C14orf119: variants seen among roughly 807,000 people sequenced by gnomAD.
The protein encoded by C14orf119 is chromosome 14 open reading frame 119.
Under a neutral mutation model 13.5 loss-of-function variants are expected in C14orf119, and 17 were observed. The observed-to-expected ratio is 1.26, with a 90% CI of 0.86 to 1.88. The LOEUF (loss-of-function observed/expected upper bound fraction) is 1.88, where lower values mean the gene tolerates loss of function less well. Among genes scored for constraint, C14orf119 ranks in the 40% most tolerant of loss-of-function variants. The probability of loss-of-function intolerance (pLI) is 0.00; values close to 1 mark genes in which losing one functional copy is unlikely to be tolerated. For missense variants in C14orf119, 162 were observed against 165.9 expected (o/e 0.98, Z 0.13); for synonymous variants, 61 against 61.9 (o/e 0.99, Z 0.07).
rs527779183 is a variant in C14orf119, at chr14:23,095,967, G to C, written c.-2+348G>C. Among the ~76,000 whole-genome samples the C allele has an allele frequency of 5.3e-5, 8 of 152,340 alleles. No homozygotes were observed. In the South Asian group the frequency reaches 1.7e-3, roughly 32 times the overall value. On this transcript the variant is annotated intron_variant, in intron 1 of 1. Coordinates refer to ENST00000319074, the MANE Select transcript of C14orf119 (RefSeq NM_017924.4). ...CAGAAGAGAGTAAGTTCCCTTGGAG[G>C]AACTGCTTCCTGTAGGGCAAGAACT...
chr14:23,096,229 G>A (rs1440050768), intron 1 of C14orf119, among the ~76,000 whole-genome samples: 1 of 152,190 alleles, frequency 6.6e-6, no homozygotes, highest in African/African-American at 2.4e-5. Context: ...AAAATCAGTG[G>A]CAAGGTGCCG....
chr14:23,097,901 T>C lies in C14orf119; in HGVS notation c.243T>C (p.Ser81=), dbSNP rs1299529065. The C allele has an allele frequency of 1.2e-6, 2 of 1,614,136 alleles. No homozygotes were observed. Among genetic ancestry groups the C allele is most frequent in the Admixed American group, 1.7e-5 (1 of 60,024 alleles). ...TGCTGGATAGTCTGGAGCAGCTTAG[T>C]GTGTCTGGGGCAGACCGACCACCTT... is the stretch of plus-strand genomic sequence containing the variant. ...QPLLDSLEQL[S]VSGADRPPSI... is the part of the protein sequence containing the mutation. The change falls in exon 2 of 2, where the codon AGT becomes AGC. Residue 81 remains serine (S), a synonymous_variant. Coordinates refer to ENST00000319074, the MANE Select transcript of C14orf119 (RefSeq NM_017924.4).
In C14orf119 at chr14:23,098,352, G is replaced by T. The variant is rs1594800945; in HGVS notation, c.*271G>T. 4.8e-6 allele frequency: 2 copies of T among 413,072 alleles called. No homozygotes were observed. Among genetic ancestry groups the T allele is most frequent in the East Asian group, 9.0e-5 (2 of 22,124 alleles). The allele number at this position is 413,072 out of a possible 1,614,324, so 25.6% of individuals were successfully genotyped here. On this transcript the variant is annotated 3_prime_UTR_variant, in exon 2 of 2. Coordinates refer to ENST00000319074, the MANE Select transcript of C14orf119 (RefSeq NM_017924.4). The stretch of plus-strand genomic sequence containing the variant: ...ATGTCAAGTCCTCAAGAATTTGATG[G>T]CTTCTTCTGCAGCTATAACCACAAG...
At position 23,097,955 on chromosome 14, in the gene C14orf119, G is replaced by A. The variant is rs1313216407; in HGVS notation, c.297G>A (p.Trp99Ter). 1.2e-6 allele frequency: 2 copies of A among 1,614,022 alleles called. No individual in the cohort carries two copies. The highest frequency in any genetic ancestry group is 1.3e-5 in the African/African-American group (1 of 74,906). The change falls in exon 2 of 2, where the codon TGG (tryptophan) becomes TGA (stop). Residue 99 changes from tryptophan (W) to a stop codon, truncating the protein, a stop_gained. Transcript: ENST00000319074. LOFTEE classifies it high-confidence loss of function. The stretch of plus-strand genomic sequence containing the variant: ...TCTTTGAGTGCCAGCTACATCTTTG[G>A]GATCAGTGGTTTCGAGGCTGGGCTG... ...PSIFECQLHL[W>*]DQWFRGWAEQ...
In C14orf119 at chr14:23,099,518, T is replaced by C; in HGVS notation, c.*1437T>C. ...GGAACATAGAAGGTAATATTTGGCA[T>C]GGAATAATGCCTAGCCTTAGTAGAT... On this transcript the variant is annotated 3_prime_UTR_variant, in exon 2 of 2. Coordinates refer to ENST00000319074, the MANE Select transcript of C14orf119 (RefSeq NM_017924.4). 1 of 411,542 alleles carries C rather than the reference T, an allele frequency of 2.4e-6. No individual in the cohort carries two copies. The highest frequency in any genetic ancestry group is 4.4e-5 in the Admixed American group (1 of 22,562). The allele number at this position is 411,542 out of a possible 1,614,324, so 25.5% of individuals were successfully genotyped here.
At position 23,095,594 on chromosome 14, in the gene C14orf119, G is replaced by C; in HGVS notation, c.-27G>C. 2.6e-6 allele frequency: 1 copy of C among 378,786 alleles called. No individual in the cohort carries two copies. Among genetic ancestry groups the C allele is most frequent in the Non-Finnish European group, 4.9e-6 (1 of 205,818 alleles). 23.5% of individuals were successfully genotyped at this position (378,786 alleles called of 1,614,324 possible). ...AGTCTAAGGACTCGTGACAATCTTC[G>C]GGTGCCCTTCGAGAGAAAAGGGGAG... On this transcript the variant is annotated 5_prime_UTR_variant, in exon 1 of 2. Coordinates refer to ENST00000319074, the MANE Select transcript of C14orf119 (RefSeq NM_017924.4).
At chr14:23,096,538 C>T (rs2048377007) in intron 1 of C14orf119, among the ~76,000 whole-genome samples, 1 of 136,450 alleles carries the variant, frequency 7.3e-6, no homozygotes, top group South Asian at 2.3e-4. Context: ...AAAAAAATTG[C>T]AAGGCACCAA....
intron 1 of C14orf119, among the ~76,000 whole-genome samples, chr14:23,096,737 C>T (rs1462009907): frequency 6.6e-6 from 1 of 151,792 alleles, no homozygotes; most frequent in Non-Finnish European, 1.5e-5. Context: ...CCTCTACGCT[C>T]AACTAATTTT....
At chr14:23,097,492 G>T in intron 1 of C14orf119, 166 bp from the exon 2 acceptor site, 1 of 606,926 alleles carries the variant, frequency 1.6e-6, no homozygotes, top group East Asian at 2.7e-5. Context: ...TAAGGTAGTT[G>T]GATAATAATC....
At chr14:23,096,000 G>T (rs992556570) in intron 1 of C14orf119, among the ~76,000 whole-genome samples, 7 of 152,232 alleles carry the variant, frequency 4.6e-5, no homozygotes, top group African/African-American at 1.7e-4. Flanking sequence ...ACTGGAAAAT[G>T]CAAGCGCCCT....
chr14:23,099,754 A>G lies in C14orf119; in HGVS notation c.*1673A>G, dbSNP rs1358026586. 4.1e-5 allele frequency: 11 copies of G among 268,504 alleles called. No homozygotes were observed. In the East Asian group the frequency reaches 5.5e-4, roughly 13 times the overall value. The allele number at this position is 268,504 out of a possible 1,614,324, so 16.6% of individuals were successfully genotyped here. A position where few individuals can be genotyped will look rare whatever the true frequency, so the allele number is the denominator to read the frequency against. On this transcript the variant is annotated 3_prime_UTR_variant, in exon 2 of 2. Transcript: ENST00000319074. The stretch of plus-strand genomic sequence containing the variant: ...TAAGGGGCTTTACCCTTAAAGATAG[A>G]GCTCATGAAGCCCCGCCTCATCCAA...
At position 23,098,124 on chromosome 14, in the gene C14orf119, A is replaced by G. The variant is rs763084582; in HGVS notation, c.*43A>G. 1.9e-6 allele frequency: 3 copies of G among 1,574,234 alleles called. No individual in the cohort carries two copies. The highest frequency in any genetic ancestry group is 3.4e-5 in the Admixed American group (2 of 58,168). Reference sequence around the variant, plus strand: ...GAAGATAACCATAGCTGATGGAGCCATGACTCTCTACAATGATAACTCAAT... The same window carrying G: ...GAAGATAACCATAGCTGATGGAGCCGTGACTCTCTACAATGATAACTCAAT... On this transcript the variant is annotated 3_prime_UTR_variant, in exon 2 of 2. Coordinates refer to ENST00000319074, the MANE Select transcript of C14orf119 (RefSeq NM_017924.4).
rs1264416788 is a variant in C14orf119 at position 23,099,439 on chromosome 14, G to A, written c.*1358G>A. ...TAGCAGCATTAGGCAGAGTCCCATG[G>A]ACAGCCTTAGGTGGGTCATGGAGGG... is the stretch of plus-strand genomic sequence containing the variant. On this transcript the variant is annotated 3_prime_UTR_variant, in exon 2 of 2. Transcript: ENST00000319074. 2.4e-6 allele frequency: 1 copy of A among 413,344 alleles called. No individual in the cohort carries two copies. Among genetic ancestry groups the A allele is most frequent in the Non-Finnish European group, 4.4e-6 (1 of 226,166 alleles). The allele number at this position is 413,344 out of a possible 1,614,324, so 25.6% of individuals were successfully genotyped here.
rs2048410451 is a variant in C14orf119, at chr14:23,099,225, C to A, written c.*1144C>A. 2.4e-6 allele frequency: 1 copy of A among 413,074 alleles called. No individual in the cohort carries two copies. The highest frequency in any genetic ancestry group is 3.6e-5 in the East Asian group (1 of 28,092). The allele number at this position is 413,074 out of a possible 1,614,324, so 25.6% of individuals were successfully genotyped here. ...AAGTATACACAATAGATTTTCCATC[C>A]AGTTGTCTCACAAGAAATTATTCTC... On this transcript the variant is annotated 3_prime_UTR_variant, in exon 2 of 2. Coordinates refer to ENST00000319074, the MANE Select transcript of C14orf119 (RefSeq NM_017924.4).
At chr14:23,096,576 A>AAAAAAAT (rs1472408476) in intron 1 of C14orf119, among the ~76,000 whole-genome samples, 65 of 136,034 alleles carry the variant, frequency 4.8e-4, no homozygotes, top group African/African-American at 1.7e-3. Context: ...AAAAAAAAAA[A>AAAAAAAT]TTTTTTTTTT....
In C14orf119 at chr14:23,098,624, C is replaced by T. The variant is rs781210326; in HGVS notation, c.*543C>T. 13 of 170,426 alleles carry T rather than the reference C, an allele frequency of 7.6e-5. No individual in the cohort carries two copies. The highest frequency in any genetic ancestry group is 1.7e-4 in the Non-Finnish European group (12 of 70,246). The allele number at this position is 170,426 out of a possible 1,614,324, so 10.6% of individuals were successfully genotyped here. A position where few individuals can be genotyped will look rare whatever the true frequency, so the allele number is the denominator to read the frequency against. On this transcript the variant is annotated 3_prime_UTR_variant, in exon 2 of 2. Transcript: ENST00000319074. ...AGGAGAGGGAGATAATTAGTTGCTT[C>T]CTCCTTCACACTGTTTGAATCGAAC... is the stretch of plus-strand genomic sequence containing the variant.
Position 23,098,589 on chromosome 14 carries a change from A to G in C14orf119, c.*508A>G. ...TTCCCAGTGATGATTTAATAAAATT[A>G]TGAAAAATCAGGAGAGGGAGATAAT... On this transcript the variant is annotated 3_prime_UTR_variant, in exon 2 of 2. Coordinates refer to ENST00000319074, the MANE Select transcript of C14orf119 (RefSeq NM_017924.4). 1 of 171,228 alleles carries G rather than the reference A, an allele frequency of 5.8e-6. No homozygotes were observed. 10.6% of individuals were successfully genotyped at this position (171,228 alleles called of 1,614,324 possible).
chr14:23,096,130 TTTAGAGATTTAAGAGATACG>T (rs960068399), intron 1 of C14orf119, among the ~76,000 whole-genome samples: 3 of 152,174 alleles, frequency 2.0e-5, no homozygotes, highest in South Asian at 2.1e-4. Flanking sequence ...AGACAAATAG[TTTAGAGATTTAAGAGATACG>T]TTAGAGATTT....
rs1244750141 is a variant in C14orf119, at chr14:23,100,384, T to G, written c.*2303T>G. ...ACTGGATGATCGTGTTAGGGATCTT[T>G]GTTCTCTGAAACGCAACCCTGTCTA... is the stretch of plus-strand genomic sequence containing the variant. On this transcript the variant is annotated 3_prime_UTR_variant, in exon 2 of 2. Transcript: ENST00000319074. The G allele has an allele frequency of 2.4e-6, 1 of 412,132 alleles. No individual in the cohort carries two copies. Among genetic ancestry groups the G allele is most frequent in the Non-Finnish European group, 4.4e-6 (1 of 225,914 alleles). 25.5% of individuals were successfully genotyped at this position (412,132 alleles called of 1,614,324 possible).
Sources: gnomAD v4.1 joint callset for allele counts (sites outside exome capture counted in the v4.1 genomes callset) on GRCh38, gnomAD v4.1.1 for gene constraint, MANE v1.5 for transcripts, NCBI Gene and HGNC (gene_info 2026-07-23, HGNC 2026-07-21) for gene names.